KIRREL1: variants seen among roughly 807,000 people sequenced by gnomAD.
The protein encoded by KIRREL1 is kin of IRRE-like protein 1.
In KIRREL1, 25 loss-of-function variants were observed where a neutral mutation model predicts 83.3. The observed-to-expected ratio is 0.30, with a 90% CI of 0.22 to 0.42. The LOEUF is 0.42. Ranked by LOEUF, KIRREL1 falls within the 10% of genes least tolerant of loss-of-function variation. KIRREL1 has a pLI of 1.00. For synonymous variants in KIRREL1, 388 were observed against 410.4 expected (o/e 0.95, Z 0.66); for missense variants, 812 against 1,032.3 (o/e 0.79, Z 2.92).
At chr1:158,088,577 C>T (rs1333748942) in intron 8 of KIRREL1, 123 bp downstream of exon 8, 13 of 794,664 alleles carry the variant, frequency 1.6e-5, no homozygotes, top group African/African-American at 1.1e-4. Context: ...CTCCGCCTCC[C>T]GGGTTCACGC....
rs983195137 is a variant in KIRREL1 at position 158,098,901 on chromosome 1, G to A, written c.*3781G>A. On this transcript the variant is annotated 3_prime_UTR_variant, in exon 15 of 15. Transcript: ENST00000359209. ...TCGCACTGGAGTTTCGTGCCCTCTC[G>A]TTAACCTGTCAGGAGCCACAGGGCT... The A allele has an allele frequency of 2.6e-5, 4 of 152,192 alleles. No homozygotes were observed. Among genetic ancestry groups the A allele is most frequent in the East Asian group, 1.9e-4 (1 of 5,202 alleles). The allele number at this position is 152,192 out of a possible 1,614,324, so 9.4% of individuals were successfully genotyped here. A position where few individuals can be genotyped will look rare whatever the true frequency, so the allele number is the denominator to read the frequency against.
chr1:158,004,867 C>T (rs1398407536), intron 1 of KIRREL1, among the ~76,000 whole-genome samples: 1 of 152,194 alleles, frequency 6.6e-6, no homozygotes, highest in African/African-American at 2.4e-5. Context: ...TCACTTGAAC[C>T]CAGGAGGCGG....
At chr1:158,032,343 GT>G (rs1413543448) in intron 1 of KIRREL1, among the ~76,000 whole-genome samples, 1 of 152,106 alleles carries the variant, frequency 6.6e-6, no homozygotes, top group African/African-American at 2.4e-5. Flanking sequence ...GGGAGATGAG[GT>G]TGGGGTAATG....
chr1:158,084,597 C>T lies in KIRREL1; in HGVS notation c.510+18C>T, dbSNP rs1164085736. ...CCAGCACGGTGAGCTCCAGCCAGCT[C>T]CCCCAGCTCCTCCTGGGCCTAGCCC... On this transcript the variant is annotated intron_variant, in intron 4 of 14. Transcript: ENST00000359209. 8 of 1,549,726 alleles carry T rather than the reference C, an allele frequency of 5.2e-6. No homozygotes were observed. In the South Asian group the frequency reaches 8.4e-5, roughly 16 times the overall value.
intron 1 of KIRREL1, among the ~76,000 whole-genome samples, chr1:158,050,097 G>A (rs913564310): frequency 1.5e-4 from 23 of 152,052 alleles, no homozygotes; most frequent in Admixed American, 6.5e-5. Context: ...GGAGAGAGGT[G>A]TGTGTGTGTG....
rs1302581562 is a variant in KIRREL1, at chr1:158,020,566, C to T, written c.52+26838C>T. ...ACTTCCGTCTCTTGCCTCTTTTCCC[C>T]AGCATAGAGCAGAATGACTGCCATA... On this transcript the variant is annotated intron_variant, in intron 1 of 14. Coordinates refer to ENST00000359209, the MANE Select transcript of KIRREL1 (RefSeq NM_018240.7). Among the ~76,000 whole-genome samples, 22 of 117,134 alleles carry T rather than the reference C, an allele frequency of 1.9e-4. No individual in the cohort carries two copies. In the Admixed American group the frequency reaches 2.8e-3, roughly 15 times the overall value. 76.8% of individuals were successfully genotyped at this position (117,134 alleles called of 152,430 possible).
intron 1 of KIRREL1, among the ~76,000 whole-genome samples, chr1:157,996,456 G>C (rs796604074): frequency 2.6e-5 from 4 of 151,018 alleles, no homozygotes; most frequent in Non-Finnish European, 5.9e-5. Context: ...CTGCCTCCGT[G>C]GGGGGGATGG....
intron 1 of KIRREL1, among the ~76,000 whole-genome samples, chr1:158,029,372 T>TGTGC (rs1190966368): frequency 6.7e-6 from 1 of 149,504 alleles, no homozygotes; most frequent in South Asian, 2.1e-4. Flanking sequence ...TGTGTGCACG[T>TGTGC]GCGCGCGCAT....
chr1:158,079,167 T>C (rs754603426), intron 3 of KIRREL1, among the ~76,000 whole-genome samples: 72 of 152,146 alleles, frequency 4.7e-4, no homozygotes, highest in Non-Finnish European at 7.9e-4. Flanking sequence ...CTGCCTCCAT[T>C]TGATATGTTT....
intron 1 of KIRREL1, among the ~76,000 whole-genome samples, chr1:157,994,283 G>C (rs1432347342): frequency 6.6e-6 from 1 of 152,158 alleles, no homozygotes; most frequent in Non-Finnish European, 1.5e-5. Context: ...TAGAGGAAGG[G>C]AGGGGTGTCT....
At chr1:158,013,729 C>T (rs150388072) in intron 1 of KIRREL1, among the ~76,000 whole-genome samples, 3,298 of 152,322 alleles carry the variant, frequency 0.022, 60 homozygotes, top group Middle Eastern at 0.061. Context: ...GTACACCTCC[C>T]GCCGACTAGA....
chr1:158,080,123 C>G (rs927296227), intron 3 of KIRREL1, among the ~76,000 whole-genome samples: 1 of 152,132 alleles, frequency 6.6e-6, no homozygotes, highest in Non-Finnish European at 1.5e-5. Flanking sequence ...CATGCTCAAC[C>G]AAGTATTCCG....
chr1:158,084,852 C>T (rs946516076), intron 4 of KIRREL1, among the ~76,000 whole-genome samples: 36 of 152,184 alleles, frequency 2.4e-4, no homozygotes, highest in Admixed American at 1.4e-3. Flanking sequence ...TGCCAGACAC[C>T]GTGCATGCTA....
chr1:158,009,746 C>T (rs1390453008), intron 1 of KIRREL1, among the ~76,000 whole-genome samples: 1 of 152,210 alleles, frequency 6.6e-6, no homozygotes, highest in Non-Finnish European at 1.5e-5. Flanking sequence ...CATTGGCACC[C>T]AGCTCCAAGC....
chr1:157,994,995 A>C (rs1368312907), intron 1 of KIRREL1, among the ~76,000 whole-genome samples: 1 of 152,190 alleles, frequency 6.6e-6, no homozygotes, highest in Non-Finnish European at 1.5e-5. Context: ...CTAGCAAACA[A>C]AGAAACTTGA....
At chr1:158,085,371 C>T (rs1422368132) in intron 4 of KIRREL1, among the ~76,000 whole-genome samples, 1 of 152,214 alleles carries the variant, frequency 6.6e-6, no homozygotes, top group Non-Finnish European at 1.5e-5. Context: ...CTTCTGGCTT[C>T]AGTTCTGCCC....
At chr1:158,047,001 A>G (rs1431135262) in intron 1 of KIRREL1, among the ~76,000 whole-genome samples, 2 of 152,098 alleles carry the variant, frequency 1.3e-5, no homozygotes, top group African/African-American at 4.8e-5. Flanking sequence ...AGGTTAAGAA[A>G]CTAGGGATGT....
chr1:158,033,319 G>A (rs1660380235), intron 1 of KIRREL1, among the ~76,000 whole-genome samples: 1 of 152,126 alleles, frequency 6.6e-6, no homozygotes, highest in Admixed American at 6.6e-5. Flanking sequence ...TGATCCACTC[G>A]CCTCGGCCTC....
At chr1:158,067,289 A>G (rs1021481966) in intron 1 of KIRREL1, among the ~76,000 whole-genome samples, 11 of 152,182 alleles carry the variant, frequency 7.2e-5, no homozygotes, top group African/African-American at 2.7e-4. Flanking sequence ...CTAATGGGAA[A>G]GGAAAGGATG....
Sources: allele counts gnomAD v4.1 joint callset (sites outside exome capture counted in the v4.1 genomes callset), GRCh38; gene constraint gnomAD v4.1.1; transcripts MANE v1.5; gene names NCBI Gene and HGNC (gene_info 2026-07-23, HGNC 2026-07-21).